The following CNTN6 variants were observed in gnomAD, a reference collection of about 807,000 sequenced individuals.
CNTN6 encodes contactin 6, also known as contactin-6.
Under a neutral mutation model 122.8 loss-of-function variants are expected in CNTN6, and 137 were observed. The observed-to-expected ratio is 1.12, with a 90% CI of 0.97 to 1.29. CNTN6 has a LOEUF of 1.29. Ranked by LOEUF, CNTN6 falls within the 50% of genes most tolerant of loss-of-function variation. CNTN6 has a pLI of 0.00. For synonymous variants in CNTN6, 570 were observed against 426.0 expected, an observed-to-expected ratio of 1.34 and a Z score of -4.16; for missense variants, 1,634 against 1,223.4, an observed-to-expected ratio of 1.34 and a Z score of -5.01.
intron 2 of CNTN6, among the ~76,000 whole-genome samples, chr3:1,157,640 C>T (rs2093005287): frequency 2.6e-5 from 4 of 152,084 alleles, no homozygotes; most frequent in Admixed American, 2.6e-4. Flanking sequence ...CACCTGTCCC[C>T]CTCCCGCCGT....
intron 2 of CNTN6, among the ~76,000 whole-genome samples, chr3:1,171,804 C>A (rs1054117389): frequency 6.6e-6 from 1 of 151,930 alleles, no homozygotes. Flanking sequence ...ACAGAGAGTC[C>A]CCATGTTGCC....
At chr3:1,401,768 G>C (rs1695742645) in intron 21 of CNTN6, among the ~76,000 whole-genome samples, 1 of 151,936 alleles carries the variant, frequency 6.6e-6, no homozygotes, top group Non-Finnish European at 1.5e-5. Flanking sequence ...AATTCCATAG[G>C]ATGTAACATT....
At chr3:1,188,945 T>C (rs1362859362) in intron 2 of CNTN6, among the ~76,000 whole-genome samples, 1 of 152,224 alleles carries the variant, frequency 6.6e-6, no homozygotes, top group Non-Finnish European at 1.5e-5. Flanking sequence ...TGAGTTATTT[T>C]ATTTGATTGG....
intron 2 of CNTN6, among the ~76,000 whole-genome samples, chr3:1,148,980 G>A (rs763869727): frequency 5.9e-5 from 9 of 152,144 alleles, no homozygotes; most frequent in Non-Finnish European, 1.0e-4. Flanking sequence ...TGATGCCAAC[G>A]CTTGGAACTG....
intron 2 of CNTN6, among the ~76,000 whole-genome samples, chr3:1,150,471 T>C (rs939375099): frequency 6.6e-6 from 1 of 152,028 alleles, no homozygotes; most frequent in Non-Finnish European, 1.5e-5. Flanking sequence ...AACTACAACT[T>C]CTAGTGCTTT....
intron 11 of CNTN6, among the ~76,000 whole-genome samples, chr3:1,335,547 C>G (rs1457641025): frequency 6.6e-6 from 1 of 152,116 alleles, no homozygotes; most frequent in East Asian, 1.9e-4. Flanking sequence ...CAGGAATCAC[C>G]TCCTGAATTT....
At chr3:1,240,706 TAA>T (rs58626912) in intron 4 of CNTN6, among the ~76,000 whole-genome samples, 7 of 129,310 alleles carry the variant, frequency 5.4e-5, no homozygotes, top group Admixed American at 1.6e-4. Context: ...GTTATTATAC[TAA>T]AAAAAAAAAA....
chr3:1,306,655 A>G (rs1439361220), intron 7 of CNTN6, among the ~76,000 whole-genome samples: 1 of 152,126 alleles, frequency 6.6e-6, no homozygotes, highest in Non-Finnish European at 1.5e-5. Flanking sequence ...TAGAGAGAGA[A>G]TAAATAGATA....
intron 4 of CNTN6, among the ~76,000 whole-genome samples, chr3:1,274,441 G>A (rs992471990): frequency 6.6e-6 from 1 of 152,154 alleles, no homozygotes; most frequent in East Asian, 1.9e-4. Flanking sequence ...GAACGGGAAG[G>A]GGGTGTAGTT....
At chr3:1,104,180 C>T (rs2091103167) in intron 1 of CNTN6, among the ~76,000 whole-genome samples, 1 of 151,936 alleles carries the variant, frequency 6.6e-6, no homozygotes, top group South Asian at 2.1e-4. Context: ...GAAAGGGGGG[C>T]TAACATTGTT....
intron 1 of CNTN6, among the ~76,000 whole-genome samples, chr3:1,110,827 G>C (rs1017965953): frequency 1.3e-5 from 2 of 152,120 alleles, no homozygotes; most frequent in African/African-American, 4.8e-5. Context: ...GCATTCCTCT[G>C]TCATGAGAAG....
At chr3:1,214,357 G>A (rs1361967888) in intron 2 of CNTN6, among the ~76,000 whole-genome samples, 1 of 122,588 alleles carries the variant, frequency 8.2e-6, no homozygotes, top group African/African-American at 3.1e-5. Flanking sequence ...TGCCCAGGCT[G>A]GAGTGCAATG....
chr3:1,209,215 A>G (rs2093999243), intron 2 of CNTN6, among the ~76,000 whole-genome samples: 1 of 152,208 alleles, frequency 6.6e-6, no homozygotes, highest in South Asian at 2.1e-4. Context: ...TTCATATTTC[A>G]TATTTGAATA....
At chr3:1,277,124 A>G (rs973255876) in intron 4 of CNTN6, among the ~76,000 whole-genome samples, 1 of 152,182 alleles carries the variant, frequency 6.6e-6, no homozygotes, top group Non-Finnish European at 1.5e-5. Context: ...TAACAAGTCT[A>G]TTATTATGGG....
chr3:1,254,652 A>G (rs950374115), intron 4 of CNTN6, among the ~76,000 whole-genome samples: 10 of 152,194 alleles, frequency 6.6e-5, no homozygotes, highest in African/African-American at 2.4e-4. Context: ...ATAAATATGT[A>G]CAGCATAAAA....
At chr3:1,359,686 C>T (rs1036707648) in intron 12 of CNTN6, among the ~76,000 whole-genome samples, 3 of 151,970 alleles carry the variant, frequency 2.0e-5, no homozygotes, top group Non-Finnish European at 4.4e-5. Flanking sequence ...GGATATAAAA[C>T]ATTTTAGACT....
At chr3:1,216,873 G>A (rs187835734) in intron 2 of CNTN6, among the ~76,000 whole-genome samples, 5 of 152,160 alleles carry the variant, frequency 3.3e-5, no homozygotes, top group East Asian at 1.9e-4. Flanking sequence ...GGAAGCCAAA[G>A]TTTAATTTCT....
chr3:1,384,007 T>A (rs1200709303), intron 19 of CNTN6, among the ~76,000 whole-genome samples: 1 of 150,584 alleles, frequency 6.6e-6, no homozygotes, highest in Non-Finnish European at 1.5e-5. Flanking sequence ...TGGTCCACAG[T>A]AAAGTCCTGC....
chr3:1,152,299 G>T (rs952610579), intron 2 of CNTN6, among the ~76,000 whole-genome samples: 5 of 151,604 alleles, frequency 3.3e-5, no homozygotes, highest in African/African-American at 1.2e-4. Context: ...CCACCATGCT[G>T]GGCTAATTTT....
Sources: gnomAD v4.1 joint callset for allele counts (sites outside exome capture counted in the v4.1 genomes callset) on GRCh38, gnomAD v4.1.1 for gene constraint, MANE v1.5 for transcripts, NCBI Gene and HGNC (gene_info 2026-07-23, HGNC 2026-07-21) for gene names.